The following IRAG1 variants were observed in gnomAD, a reference collection of about 807,000 sequenced individuals.
The protein encoded by IRAG1 is inositol 1,4,5-triphosphate receptor associated 1, also known as IP3R-associated cGMP kinase substrate.
A neutral mutation model predicts 106.2 loss-of-function variants in IRAG1; 62 were observed. The observed-to-expected ratio is 0.58, with a 90% CI of 0.48 to 0.72. IRAG1 has a LOEUF of 0.72. Among genes scored for constraint, IRAG1 ranks in the 30% least tolerant of loss-of-function variants. The pLI, the probability that IRAG1 is intolerant of heterozygous loss-of-function variation, is 0.00. For synonymous variants in IRAG1, 462 were observed against 443.9 expected (o/e 1.04, Z -0.51); for missense variants, 1,064 against 1,140.7 (o/e 0.93, Z 0.97).
Position 10,626,607 on chromosome 11 carries a change from G to A in IRAG1, c.751-24C>T, listed in dbSNP as rs201113128. On this transcript the variant is annotated intron_variant, in intron 8 of 20. Coordinates refer to ENST00000423302, the MANE Select transcript of IRAG1 (RefSeq NM_130385.4). ...TTCTGAAAAAGACAAGGTAGAGCTG[G>A]AACCCTCGGGGGCAGGTTGAGGGGA... 1.3e-3 allele frequency: 2,053 copies of A among 1,568,438 alleles called. 34 individuals carry two copies. In the South Asian group the frequency reaches 0.023, roughly 17 times the overall value.
chr11:10,606,628 C>T lies in IRAG1; in HGVS notation c.1602+114G>A. On this transcript the variant is annotated intron_variant, in intron 12 of 20. Transcript: ENST00000423302. ...GAATGTTCACATTACCCCACAGTCA[C>T]TCTTTCTCATTTTTGTCTAAAAATG... The T allele has an allele frequency of 2.7e-6, 3 of 1,094,010 alleles. No homozygotes were observed. The South Asian group carries it at 4.9e-5, about 18-fold the overall frequency. 67.8% of individuals were successfully genotyped at this position (1,094,010 alleles called of 1,614,324 possible).
chr11:10,633,105 C>T (rs552290257), intron 3 of IRAG1, among the ~76,000 whole-genome samples: 153 of 140,218 alleles, frequency 1.1e-3, no homozygotes, highest in Admixed American at 1.7e-3. Flanking sequence ...GACGGAGTCT[C>T]GCACTGTCGC....
chr11:10,644,683 CA>C (rs1205569637), intron 2 of IRAG1, among the ~76,000 whole-genome samples: 3 of 152,202 alleles, frequency 2.0e-5, no homozygotes, highest in Non-Finnish European at 4.4e-5. Context: ...AGCTGGGGGG[CA>C]GGGGGATCCC....
chr11:10,693,455 C>T (rs1263378495), intron 1 of IRAG1, 81 bp downstream of exon 1: 2 of 1,528,688 alleles, frequency 1.3e-6, no homozygotes, highest in Middle Eastern at 3.4e-4. Flanking sequence ...ATCCCAGCAC[C>T]CTGTACCTTT....
intron 15 of IRAG1, among the ~76,000 whole-genome samples, chr11:10,595,204 C>T (rs1471585089): frequency 1.4e-5 from 2 of 146,708 alleles, no homozygotes; most frequent in Admixed American, 6.6e-5. Context: ...GAATTACAGG[C>T]ATGAACCACC....
intron 1 of IRAG1, among the ~76,000 whole-genome samples, chr11:10,684,604 TAA>T (rs1861521657): frequency 3.3e-5 from 2 of 60,752 alleles, no homozygotes; most frequent in East Asian, 1.3e-3. Context: ...ACTTAAAGTA[TAA>T]TAATAATAAT....
At chr11:10,652,453 ACTC>A in intron 1 of IRAG1, 3 of 790,434 alleles carry the variant, frequency 3.8e-6, no homozygotes, top group Non-Finnish European at 5.6e-6. Flanking sequence ...TGTGCTTCGA[ACTC>A]CTCAAAGCTG....
intron 4 of IRAG1, 25 bp downstream of exon 4, chr11:10,631,966 T>G (rs937754641): frequency 6.2e-7 from 1 of 1,606,628 alleles, no homozygotes; most frequent in African/African-American, 1.3e-5. Context: ...CTACTCAACA[T>G]GCCTTAGATT....
chr11:10,608,552 C>T (rs1349197116), intron 11 of IRAG1, among the ~76,000 whole-genome samples: 1 of 152,114 alleles, frequency 6.6e-6, no homozygotes, highest in East Asian at 1.9e-4. Context: ...GATAACTGTG[C>T]CTTACAAATG....
chr11:10,616,199 A>T (rs1855410493), intron 10 of IRAG1, among the ~76,000 whole-genome samples: 1 of 150,268 alleles, frequency 6.7e-6, no homozygotes, highest in Non-Finnish European at 1.5e-5. Flanking sequence ...CGGCCGAGGA[A>T]GGAGAGCGGC....
At chr11:10,681,183 T>C (rs964134490) in intron 1 of IRAG1, among the ~76,000 whole-genome samples, 3 of 152,146 alleles carry the variant, frequency 2.0e-5, no homozygotes, top group Non-Finnish European at 2.9e-5. Flanking sequence ...CCACTACTCC[T>C]GTAGGGCATA....
intron 15 of IRAG1, 21 bp from the exon 16 acceptor site, chr11:10,594,216 G>A (rs573662504): frequency 1.2e-6 from 2 of 1,604,532 alleles, no homozygotes; most frequent in African/African-American, 1.3e-5. Flanking sequence ...AGGGAGCAGA[G>A]AAGAGAACAC....
chr11:10,644,927 C>T (rs577860940), intron 2 of IRAG1, among the ~76,000 whole-genome samples: 1 of 152,286 alleles, frequency 6.6e-6, no homozygotes, highest in African/African-American at 2.4e-5. Flanking sequence ...AGCTGGCAAT[C>T]TGCCTTCAGC....
At chr11:10,654,484 C>T (rs1352628053) in intron 1 of IRAG1, among the ~76,000 whole-genome samples, 1 of 152,194 alleles carries the variant, frequency 6.6e-6, no homozygotes, top group East Asian at 1.9e-4. Flanking sequence ...CTGGTCACCT[C>T]AAGAAATCTC....
intron 1 of IRAG1, among the ~76,000 whole-genome samples, chr11:10,693,248 C>T (rs1218874647): frequency 6.6e-6 from 1 of 152,198 alleles, no homozygotes; most frequent in Non-Finnish European, 1.5e-5. Context: ...GGGTTGCAAT[C>T]GCCTGTCAGG....
intron 18 of IRAG1, among the ~76,000 whole-genome samples, chr11:10,582,990 G>C (rs911025015): frequency 7.2e-5 from 11 of 152,138 alleles, no homozygotes; most frequent in African/African-American, 2.7e-4. Flanking sequence ...AAGAGAATGC[G>C]GGTTATGTAA....
chr11:10,621,440 G>A lies in IRAG1; in HGVS notation c.1447+2338C>T, dbSNP rs552960923. Among the ~76,000 whole-genome samples, 9 of 152,284 alleles carry A rather than the reference G, an allele frequency of 5.9e-5. No homozygotes were observed. In the South Asian group the frequency reaches 1.9e-3, roughly 32 times the overall value. On this transcript the variant is annotated intron_variant, in intron 10 of 20. Coordinates refer to ENST00000423302, the MANE Select transcript of IRAG1 (RefSeq NM_130385.4). ...TTTCAAATGGTGCTCTGTGAAGCCT[G>A]GGTCCCTGGAGGTACCTTGGGCCCA...
chr11:10,579,762 G>A (rs192110440), intron 20 of IRAG1, among the ~76,000 whole-genome samples: 44 of 152,220 alleles, frequency 2.9e-4, no homozygotes, highest in Non-Finnish European at 5.1e-4. Flanking sequence ...TCATTTCTAC[G>A]ATTCTGCATC....
chr11:10,691,396 G>A (rs1018341988), intron 1 of IRAG1, among the ~76,000 whole-genome samples: 1 of 152,176 alleles, frequency 6.6e-6, no homozygotes, highest in Non-Finnish European at 1.5e-5. Context: ...CAAAGACTTA[G>A]AGGAGAAAGG....
Sources: allele counts gnomAD v4.1 joint callset (sites outside exome capture counted in the v4.1 genomes callset), GRCh38; gene constraint gnomAD v4.1.1; transcripts MANE v1.5; gene names NCBI Gene and HGNC (gene_info 2026-07-23, HGNC 2026-07-21).